Variants in CD96 observed in about 807,000 individuals in gnomAD.
CD96 encodes the protein CD96 molecule.
In CD96, 70 loss-of-function variants were observed where a neutral mutation model predicts 71.3. That is an observed-to-expected ratio of 0.98 (90% CI 0.81 to 1.20). CD96 has a LOEUF of 1.20. Among genes scored for constraint, CD96 ranks in the 50% most tolerant of loss-of-function variants. CD96 has a pLI of 0.00. For synonymous variants in CD96, 248 were observed against 233.0 expected (o/e 1.06, Z -0.59); for missense variants, 742 against 677.5 (o/e 1.10, Z -1.06).
chr3:111,649,263 C>T (rs1047107569), intron 13 of CD96, among the ~76,000 whole-genome samples: 5 of 152,278 alleles, frequency 3.3e-5, no homozygotes, highest in Non-Finnish European at 4.4e-5. Context: ...GGTGAAAAGA[C>T]TTGAATTGTT....
chr3:111,576,648 T>C (rs1936234059), intron 3 of CD96, among the ~76,000 whole-genome samples: 1 of 152,188 alleles, frequency 6.6e-6, no homozygotes, highest in South Asian at 2.1e-4. Flanking sequence ...TTGATCAAAT[T>C]TTTAACCTCA....
At chr3:111,620,067 C>A (rs1222766308) in intron 8 of CD96, among the ~76,000 whole-genome samples, 2 of 152,238 alleles carry the variant, frequency 1.3e-5, no homozygotes, top group Non-Finnish European at 2.9e-5. Flanking sequence ...ACATGTGAGA[C>A]CACACACTGG....
intron 2 of CD96, among the ~76,000 whole-genome samples, chr3:111,549,284 A>G (rs1243382912): frequency 1.3e-5 from 2 of 152,060 alleles, no homozygotes; most frequent in African/African-American, 4.8e-5. Context: ...GGGGGAAGGA[A>G]GTTATAACAA....
downstream of CD96, among the ~76,000 whole-genome samples, chr3:111,653,607 G>A (rs1940158676): frequency 2.0e-5 from 3 of 152,186 alleles, no homozygotes; most frequent in Non-Finnish European, 2.9e-5. Context: ...AGGGTTCTGT[G>A]AAATTGACTT....
intron 3 of CD96, among the ~76,000 whole-genome samples, chr3:111,578,267 A>G (rs1282090): frequency 0.74 from 112,937 of 152,088 alleles, 42,121 homozygotes; most frequent in East Asian, 0.96. Context: ...AGAGAGAATA[A>G]TAGGGCTTTT....
chr3:111,589,745 G>A (rs1417378633), intron 5 of CD96, among the ~76,000 whole-genome samples: 1 of 152,162 alleles, frequency 6.6e-6, no homozygotes, highest in Non-Finnish European at 1.5e-5. Context: ...CACTAATAAG[G>A]GGCAGAGCTG....
chr3:111,584,374 A>G (rs1936606425), intron 4 of CD96, among the ~76,000 whole-genome samples: 1 of 152,148 alleles, frequency 6.6e-6, no homozygotes, highest in Non-Finnish European at 1.5e-5. Flanking sequence ...TGAGCCCTCC[A>G]AACTGTTTCA....
At chr3:111,601,183 A>G (rs909534345) in intron 7 of CD96, among the ~76,000 whole-genome samples, 2 of 152,210 alleles carry the variant, frequency 1.3e-5, no homozygotes, top group African/African-American at 2.4e-5. Flanking sequence ...TTAATTCATC[A>G]TAACTCTTAA....
chr3:111,626,125 C>A (rs748556986), intron 10 of CD96, among the ~76,000 whole-genome samples: 52 of 151,754 alleles, frequency 3.4e-4, no homozygotes, highest in Non-Finnish European at 6.6e-4. Context: ...AACAGTGAAG[C>A]CCCATCTCTA....
At chr3:111,596,159 C>CT (rs1447368621) in intron 5 of CD96, among the ~76,000 whole-genome samples, 1 of 106,536 alleles carries the variant, frequency 9.4e-6, no homozygotes, top group Non-Finnish European at 2.4e-5. Context: ...GAGACTCTGT[C>CT]TCAAAAAAAT....
At chr3:111,632,454 A>G (rs955098940) in intron 10 of CD96, among the ~76,000 whole-genome samples, 7 of 152,208 alleles carry the variant, frequency 4.6e-5, no homozygotes, top group Non-Finnish European at 7.3e-5. Flanking sequence ...TCTATTACTA[A>G]ATAGTCAAAA....
chr3:111,594,172 C>G (rs773231175), intron 5 of CD96: 10 of 1,603,828 alleles, frequency 6.2e-6, no homozygotes, highest in Non-Finnish European at 8.5e-6. Flanking sequence ...TCATTGTTCC[C>G]TCCTCTTCCT....
rs1004299856 is a variant in CD96, at chr3:111,647,591, T to C, written c.1526T>C (p.Val509Ala). Residue 509 changes from valine to alanine, a missense_variant, in exon 13 of 14, where the codon GTA becomes GCA. By Grantham distance (64) the Val-to-Ala change is moderately conservative. Transcript: ENST00000352690. The part of the protein sequence containing the change: ...PKDGMSWPVI[V>A]AALLFCCMIL... ...GATGGAATGTCCTGGCCAGTGATTG[T>C]AGCAGCTTTACTCTTTTGCTGCATG... is the stretch of plus-strand genomic sequence containing the variant. 57 of 1,610,302 alleles carry C rather than the reference T, an allele frequency of 3.5e-5. No individual in the cohort carries two copies. The highest frequency in any genetic ancestry group is 4.7e-5 in the Non-Finnish European group (55 of 1,176,680).
chr3:111,630,493 T>C (rs1269256750), intron 10 of CD96, among the ~76,000 whole-genome samples: 1 of 152,112 alleles, frequency 6.6e-6, no homozygotes, highest in Non-Finnish European at 1.5e-5. Flanking sequence ...CAATAACAAG[T>C]TCTGAAATTG....
intron 2 of CD96, among the ~76,000 whole-genome samples, chr3:111,564,565 T>G (rs1462160842): frequency 2.6e-5 from 4 of 152,178 alleles, no homozygotes; most frequent in Admixed American, 6.5e-5. Context: ...TCCAAAATTG[T>G]GCACAATTTC....
intron 7 of CD96, among the ~76,000 whole-genome samples, chr3:111,601,687 A>G (rs543217795): frequency 4.3e-4 from 66 of 152,356 alleles, no homozygotes; most frequent in African/African-American, 1.6e-3. Flanking sequence ...TCATTATTAC[A>G]ACTCTATAGG....
At position 111,555,338 on chromosome 3, in the gene CD96, C is replaced by G. The variant is rs541253457; in HGVS notation, c.418+9936C>G. On this transcript the variant is annotated intron_variant, in intron 2 of 13. Coordinates refer to ENST00000352690, the MANE Select transcript of CD96 (RefSeq NM_005816.5). ...ATTTTTTGTGCTCTTTATTTTATCC[C>G]ATGAATTGGAGTTACTGTTTGTTGT... Among the ~76,000 whole-genome samples, 5 of 152,380 alleles carry G rather than the reference C, an allele frequency of 3.3e-5. No homozygotes were observed. The South Asian group carries it at 8.3e-4, about 25-fold the overall frequency.
intron 10 of CD96, among the ~76,000 whole-genome samples, chr3:111,635,829 C>T (rs912209036): frequency 5.3e-5 from 8 of 152,128 alleles, no homozygotes; most frequent in Non-Finnish European, 1.2e-4. Flanking sequence ...AAAATAAAGA[C>T]ATCAAGGTCA....
chr3:111,602,163 T>A (rs193240177), intron 7 of CD96, among the ~76,000 whole-genome samples: 2 of 152,212 alleles, frequency 1.3e-5, no homozygotes, highest in African/African-American at 4.8e-5. Context: ...GATTCTCACA[T>A]AGATTTGTCA....
Sources: gnomAD v4.1 joint callset for allele counts (sites outside exome capture counted in the v4.1 genomes callset) on GRCh38, gnomAD v4.1.1 for gene constraint, MANE v1.5 for transcripts, NCBI Gene and HGNC (gene_info 2026-07-23, HGNC 2026-07-21) for gene names.